Variants in CEP112 observed in about 807,000 individuals in gnomAD.
CEP112 encodes centrosomal protein 112, also known as centrosomal protein of 112 kDa.
Under a neutral mutation model 153.0 loss-of-function variants are expected in CEP112, and 127 were observed. That is an observed-to-expected ratio of 0.83 (90% CI 0.72 to 0.96). The LOEUF (loss-of-function observed/expected upper bound fraction) is 0.96, where lower values mean the gene tolerates loss of function less well. CEP112 is among the 40% of genes least tolerant of loss of function. The pLI, the probability that CEP112 is intolerant of heterozygous loss-of-function variation, is 0.00. For missense variants in CEP112, 1,089 were observed against 1,101.2 expected (o/e 0.99, Z 0.16); for synonymous variants, 358 against 374.4 (o/e 0.96, Z 0.51).
At chr17:65,839,909 A>C (rs2057455008) in intron 21 of CEP112, among the ~76,000 whole-genome samples, 1 of 152,080 alleles carries the variant, frequency 6.6e-6, no homozygotes, top group Non-Finnish European at 1.5e-5. Flanking sequence ...TCAAGAAAGC[A>C]ATCCTATTTA....
intron 21 of CEP112, among the ~76,000 whole-genome samples, chr17:65,770,928 T>TAAAAA (rs34049976): frequency 2.6e-4 from 32 of 124,294 alleles, no homozygotes; most frequent in African/African-American, 8.3e-4. Context: ...GACTCCGTCT[T>TAAAAA]AAAAAAAAAA....
At chr17:66,043,340 A>G (rs1215040389) in intron 12 of CEP112, among the ~76,000 whole-genome samples, 1 of 152,178 alleles carries the variant, frequency 6.6e-6, no homozygotes, top group Non-Finnish European at 1.5e-5. Flanking sequence ...AGAAATTACT[A>G]TCATGCCTAC....
chr17:65,641,250 G>A (rs2045117946), intron 24 of CEP112, among the ~76,000 whole-genome samples, 185 bp from the exon 25 acceptor site: 1 of 152,206 alleles, frequency 6.6e-6, no homozygotes, highest in African/African-American at 2.4e-5. Flanking sequence ...GTCTGACCCT[G>A]TGACTCTGAG....
At chr17:65,690,113 C>CAAAAAAAAAAAAAAAAAAAAAAAAAAAA (rs67399289) in intron 23 of CEP112, among the ~76,000 whole-genome samples, 2 of 62,584 alleles carry the variant, frequency 3.2e-5, no homozygotes, top group African/African-American at 1.2e-4. Flanking sequence ...GAAAACAGAC[C>CAAAAAAAAAAAAAAAAAAAAAAAAAAAA]AAAAAAAAAA....
intron 19 of CEP112, among the ~76,000 whole-genome samples, chr17:65,910,839 A>G (rs2060257791): frequency 1.3e-5 from 2 of 152,182 alleles, no homozygotes; most frequent in Admixed American, 1.3e-4. Flanking sequence ...CTGTAGACCA[A>G]GAAAGATAGA....
chr17:66,037,880 T>A (rs1024857), intron 12 of CEP112, among the ~76,000 whole-genome samples: 1 of 151,644 alleles, frequency 6.6e-6, no homozygotes, highest in African/African-American at 2.4e-5. Context: ...TCAAAGAATG[T>A]TATGTATAAT....
intron 21 of CEP112, chr17:65,826,065 T>C (rs1231503112): frequency 5.4e-6 from 8 of 1,481,656 alleles, no homozygotes; most frequent in Non-Finnish European, 7.5e-6. Flanking sequence ...AATGCCTAAC[T>C]CAGCTCAGCA....
At chr17:66,107,144 C>T (rs2068817385) in intron 6 of CEP112, among the ~76,000 whole-genome samples, 1 of 149,222 alleles carries the variant, frequency 6.7e-6, no homozygotes. Flanking sequence ...AAACATACTT[C>T]AGTACAACAA....
chr17:66,102,427 T>C (rs2319125), intron 6 of CEP112, among the ~76,000 whole-genome samples: 51,624 of 151,914 alleles, frequency 0.34, 10,451 homozygotes, highest in Non-Finnish European at 0.46. Flanking sequence ...AAACATAATA[T>C]AATGAAAATA....
chr17:65,730,007 C>T (rs775518847), intron 23 of CEP112, among the ~76,000 whole-genome samples: 1 of 152,218 alleles, frequency 6.6e-6, no homozygotes, highest in African/African-American at 2.4e-5. Context: ...ACAATTTAGC[C>T]ATTGGTGAAG....
chr17:65,970,132 C>T (rs1293322249), intron 17 of CEP112, among the ~76,000 whole-genome samples: 1 of 152,144 alleles, frequency 6.6e-6, no homozygotes, highest in African/African-American at 2.4e-5. Context: ...ATGTATATTG[C>T]ATTTATGTAT....
chr17:65,958,686 C>A lies in CEP112; in HGVS notation c.1872+2777G>T, dbSNP rs564774377. The stretch of plus-strand genomic sequence containing the variant: ...GCTCAATGCTGGCCTGCAGGCAACC[C>A]TTGACACCTACAGCCTGGGCACCAT... On this transcript the variant is annotated intron_variant, in intron 18 of 26. Coordinates refer to ENST00000535342, the MANE Select transcript of CEP112 (RefSeq NM_001199165.4). Among the ~76,000 whole-genome samples the A allele has an allele frequency of 4.4e-5, 6 of 137,480 alleles. No homozygotes were observed. In the South Asian group the frequency reaches 1.5e-3, roughly 35 times the overall value. The allele number at this position is 137,480 out of a possible 152,430, so 90.2% of individuals were successfully genotyped here.
rs35507620 is a variant in CEP112 at position 66,060,945 on chromosome 17, G to GAAA, written c.1074+2015_1074+2017dup. 1.5e-3 allele frequency among the ~76,000 whole-genome samples: 217 copies of GAAA among 147,106 alleles called. 2 individuals carry two copies. Among genetic ancestry groups the GAAA allele is most frequent in the South Asian group, 9.9e-3 (46 of 4,648 alleles). ...CATCAAACTAAAAAGCTTCTGCATGGAAAAAAAAATCAACAGAGTGAAAAG... is the reference window on the plus strand; with the variant it reads ...CATCAAACTAAAAAGCTTCTGCATGGAAAAAAAAAAAATCAACAGAGTGAAAAG... On this transcript the variant is annotated intron_variant, in intron 11 of 26. Coordinates refer to ENST00000535342, the MANE Select transcript of CEP112 (RefSeq NM_001199165.4).
At chr17:65,746,752 A>G (rs1299330379) in intron 22 of CEP112, among the ~76,000 whole-genome samples, 1 of 152,168 alleles carries the variant, frequency 6.6e-6, no homozygotes, top group Non-Finnish European at 1.5e-5. Flanking sequence ...TAGAATAATA[A>G]TGTTAAAAGT....
In CEP112 at chr17:66,087,813, G is replaced by A. The variant is rs530066201; in HGVS notation, c.768+8438C>T. ...CCCCAACTCCAGACAGTAAAGCGTG[G>A]AGAGACCCTCCACTTGGGAGGAGGG... On this transcript the variant is annotated intron_variant, in intron 8 of 26. Coordinates refer to ENST00000535342, the MANE Select transcript of CEP112 (RefSeq NM_001199165.4). Among the ~76,000 whole-genome samples, 8 of 152,164 alleles carry A rather than the reference G, an allele frequency of 5.3e-5. No individual in the cohort carries two copies. In the South Asian group the frequency reaches 1.2e-3, roughly 24 times the overall value.
rs553810352 is a variant in CEP112, at chr17:65,732,707, G to T, written c.2607+10361C>A. On this transcript the variant is annotated intron_variant, in intron 23 of 26. Transcript: ENST00000535342. Reference sequence around the variant, plus strand: ...CTTGCATTTTTATGTTATGGAGATGGCTTCTTTCCTTAAACCTTATGAACA... The same window carrying T: ...CTTGCATTTTTATGTTATGGAGATGTCTTCTTTCCTTAAACCTTATGAACA... Among the ~76,000 whole-genome samples the T allele has an allele frequency of 2.0e-5, 3 of 152,290 alleles. No individual in the cohort carries two copies. The South Asian group carries it at 6.2e-4, about 32-fold the overall frequency.
At chr17:66,074,185 T>G (rs188530309) in intron 8 of CEP112, among the ~76,000 whole-genome samples, 1 of 152,032 alleles carries the variant, frequency 6.6e-6, no homozygotes, top group Non-Finnish European at 1.5e-5. Context: ...AATCGAAAAG[T>G]GCAATAATTC....
At chr17:66,103,276 A>T (rs989090328) in intron 6 of CEP112, among the ~76,000 whole-genome samples, 3 of 152,030 alleles carry the variant, frequency 2.0e-5, no homozygotes, top group African/African-American at 7.2e-5. Context: ...ATTGGGAATG[A>T]TACAATGAGT....
intron 4 of CEP112, among the ~76,000 whole-genome samples, chr17:66,169,301 T>TG (rs1312638465): frequency 6.8e-6 from 1 of 147,398 alleles, no homozygotes. Flanking sequence ...TTTTTTTTTT[T>TG]GAGACAGAGT....
Sources: gnomAD v4.1 joint callset for allele counts (sites outside exome capture counted in the v4.1 genomes callset) on GRCh38, gnomAD v4.1.1 for gene constraint, MANE v1.5 for transcripts, NCBI Gene and HGNC (gene_info 2026-07-23, HGNC 2026-07-21) for gene names.